The following ZC3H15 variants were observed in gnomAD, a reference collection of about 807,000 sequenced individuals.
ZC3H15 encodes zinc finger CCCH-type containing 15.
A neutral mutation model predicts 51.2 loss-of-function variants in ZC3H15; 15 were observed. The ratio of observed to expected loss-of-function variants is 0.29; its 90% CI spans 0.20 to 0.45. The LOEUF is 0.45. Ranked by LOEUF, ZC3H15 falls within the 20% of genes least tolerant of loss-of-function variation. The pLI, the probability that ZC3H15 is intolerant of heterozygous loss-of-function variation, is 1.00. For synonymous variants in ZC3H15, 144 were observed against 162.8 expected, an observed-to-expected ratio of 0.88 and a Z score of 0.88; for missense variants, 381 against 494.7, an observed-to-expected ratio of 0.77 and a Z score of 2.18.
intron 6 of ZC3H15, 137 bp from the exon 7 acceptor site, chr2:186,505,314 A>G: frequency 9.6e-7 from 1 of 1,042,632 alleles, no homozygotes; most frequent in South Asian, 3.6e-5. Context: ...GTAAAAAAAT[A>G]CATAAATTAG....
chr2:186,487,719 T>C (rs1228833585), intron 1 of ZC3H15, among the ~76,000 whole-genome samples: 6 of 152,236 alleles, frequency 3.9e-5, no homozygotes, highest in African/African-American at 1.4e-4. Flanking sequence ...TGGCATTCAC[T>C]TTTATGAAAA....
chr2:186,499,673 C>G (rs561293775), intron 2 of ZC3H15: 3 of 436,804 alleles, frequency 6.9e-6, no homozygotes, highest in Non-Finnish European at 4.6e-6. Context: ...GTATGTAAAT[C>G]GTGTGCCTGG....
chr2:186,495,112 T>C (rs1426089316), intron 1 of ZC3H15, 121 bp from the exon 2 acceptor site: 2 of 572,372 alleles, frequency 3.5e-6, no homozygotes, highest in African/African-American at 2.0e-5. Context: ...GTTTAGTGTT[T>C]TGCATGTTTT....
intron 6 of ZC3H15, 136 bp from the exon 7 acceptor site, chr2:186,505,315 C>A: frequency 9.5e-7 from 1 of 1,052,066 alleles, no homozygotes; most frequent in Non-Finnish European, 1.3e-6. Flanking sequence ...TAAAAAAATA[C>A]ATAAATTAGC....
rs1044726615 is a variant in ZC3H15 at position 186,495,283 on chromosome 2, T to C, written c.126T>C (p.Phe42=). 1.9e-6 allele frequency: 3 copies of C among 1,558,128 alleles called. No individual in the cohort carries two copies. The highest frequency in any genetic ancestry group is 2.8e-5 in the African/African-American group (2 of 72,114). Residue 42 remains phenylalanine (F), a synonymous_variant, in exon 2 of 10, where the codon TTT becomes TTC. Transcript: ENST00000337859. Reference sequence around the variant, plus strand: ...AGAAAGGAGCAAAGCAACAGAAGTTTATCAAGGCTGTCACACATCAAGTTA... The same window carrying C: ...AGAAAGGAGCAAAGCAACAGAAGTTCATCAAGGCTGTCACACATCAAGTTA... ...KNKKGAKQQK[F]IKAVTHQVKF...
At chr2:186,501,147 G>A in intron 3 of ZC3H15, 126 bp from the exon 4 acceptor site, 6 of 912,090 alleles carry the variant, frequency 6.6e-6, no homozygotes, top group Non-Finnish European at 9.4e-6. Flanking sequence ...TCACCCATAA[G>A]TGCCGTTTTC....
intron 8 of ZC3H15, 38 bp from the exon 9 acceptor site, chr2:186,506,675 T>C: frequency 6.3e-7 from 1 of 1,579,638 alleles, no homozygotes; most frequent in Non-Finnish European, 8.6e-7. Context: ...AAAACTGTTC[T>C]TATTTGTAAC....
intron 2 of ZC3H15, among the ~76,000 whole-genome samples, chr2:186,499,339 A>G (rs1685339549): frequency 6.6e-6 from 1 of 152,230 alleles, no homozygotes; most frequent in Non-Finnish European, 1.5e-5. Flanking sequence ...TACTGATGCA[A>G]TCTAAGCATC....
Position 186,506,699 on chromosome 2 carries a change from A to AT in ZC3H15, c.967-13dup. 6.3e-7 allele frequency: 1 copy of AT among 1,595,172 alleles called. No homozygotes were observed. Among genetic ancestry groups the AT allele is most frequent in the Non-Finnish European group, 8.5e-7 (1 of 1,172,260 alleles). On this transcript the variant is annotated splice_polypyrimidine_tract_variant and intron_variant, in intron 8 of 9. Coordinates refer to ENST00000337859, the MANE Select transcript of ZC3H15 (RefSeq NM_018471.3). ...CTTATTTGTAACAACTTTCTTTTCT[A>AT]TATGTTGTTAAAGGTTGATGATTCA...
intron 9 of ZC3H15, chr2:186,507,593 G>A (rs1471302564): frequency 2.6e-6 from 1 of 386,882 alleles, no homozygotes; most frequent in Non-Finnish European, 5.2e-6. Context: ...TATAATTTAT[G>A]TCTAATTGTG....
intron 5 of ZC3H15, 150 bp from the exon 6 acceptor site, chr2:186,503,882 C>A: frequency 3.8e-6 from 2 of 531,442 alleles, no homozygotes; most frequent in Non-Finnish European, 6.1e-6. Flanking sequence ...AGAATAGAGG[C>A]TAGACAGAGC....
At chr2:186,498,600 A>C (rs1256874014) in intron 2 of ZC3H15, among the ~76,000 whole-genome samples, 2 of 152,188 alleles carry the variant, frequency 1.3e-5, no homozygotes, top group African/African-American at 4.8e-5. Context: ...ATAGAGTCAT[A>C]TTCAGGATTT....
In ZC3H15 at chr2:186,504,221, G is replaced by C. The variant is rs1366504671; in HGVS notation, c.717+7G>C. 1 of 1,545,042 alleles carries C rather than the reference G, an allele frequency of 6.5e-7. No individual in the cohort carries two copies. The highest frequency in any genetic ancestry group is 8.7e-7 in the Non-Finnish European group (1 of 1,144,958). ...AGATCTAATTGAGAGAGAGGTAACTGGTATCCTTTTCCTACCATAAAAACT... is the reference window on the plus strand; with the variant it reads ...AGATCTAATTGAGAGAGAGGTAACTCGTATCCTTTTCCTACCATAAAAACT... On this transcript the variant is annotated splice_region_variant and intron_variant, in intron 6 of 9. Coordinates refer to ENST00000337859, the MANE Select transcript of ZC3H15 (RefSeq NM_018471.3).
At chr2:186,500,085 T>C (rs1574425190) in intron 2 of ZC3H15, 97 bp from the exon 3 acceptor site, 1 of 1,000,298 alleles carries the variant, frequency 1.0e-6, no homozygotes, top group East Asian at 2.6e-5. Flanking sequence ...GTAAGGACTG[T>C]AAATATGCAA....
At chr2:186,494,833 G>A (rs1685256415) in intron 1 of ZC3H15, among the ~76,000 whole-genome samples, 1 of 152,102 alleles carries the variant, frequency 6.6e-6, no homozygotes, top group Non-Finnish European at 1.5e-5. Context: ...GGTGGCGGAG[G>A]GGAGGGATAG....
intron 8 of ZC3H15, 93 bp downstream of exon 8, chr2:186,505,934 C>A: frequency 7.5e-7 from 1 of 1,331,032 alleles, no homozygotes; most frequent in Non-Finnish European, 1.1e-6. Flanking sequence ...AACATCAGAG[C>A]CACAGTGCCT....
intron 5 of ZC3H15, 27 bp from the exon 6 acceptor site, chr2:186,504,005 C>A: frequency 6.6e-7 from 1 of 1,521,294 alleles, no homozygotes; most frequent in South Asian, 1.3e-5. Context: ...ACTGAGCCAC[C>A]GCTTGTGAAT....
chr2:186,502,575 A>G lies in ZC3H15; in HGVS notation c.522A>G (p.Pro174=). 2 of 1,610,988 alleles carry G rather than the reference A, an allele frequency of 1.2e-6. No homozygotes were observed. Among genetic ancestry groups the G allele is most frequent in the Non-Finnish European group, 1.7e-6 (2 of 1,178,360 alleles). ...KKHGEAEKKK[P]KTQIVCKHFL... ...ACGGTGAGGCGGAAAAGAAAAAACC[A>G]AAAACTCAAATAGTATGTCCTTTTC... The change falls in exon 5 of 10, where the codon CCA becomes CCG. Residue 174 remains proline (P), a synonymous_variant. Transcript: ENST00000337859.
chr2:186,497,195 G>A (rs1429560290), intron 2 of ZC3H15: 27 of 407,606 alleles, frequency 6.6e-5, no homozygotes, highest in South Asian at 4.4e-4. Flanking sequence ...TTGTAATGTA[G>A]GAGAGAAGAA....
Sources: gnomAD v4.1 joint callset for allele counts (sites outside exome capture counted in the v4.1 genomes callset) on GRCh38, gnomAD v4.1.1 for gene constraint, MANE v1.5 for transcripts, NCBI Gene and HGNC (gene_info 2026-07-23, HGNC 2026-07-21) for gene names.